ADGRB3: variants seen among roughly 807,000 people sequenced by gnomAD.
ADGRB3 encodes brain-specific angiogenesis inhibitor 3.
ADGRB3 carries 37 observed loss-of-function variants against 193.4 expected under a neutral mutation model. That is an observed-to-expected ratio of 0.19 (90% CI 0.15 to 0.25). The LOEUF is 0.25. Among genes scored for constraint, ADGRB3 ranks in the 10% least tolerant of loss-of-function variants. The pLI is 1.00. For missense variants in ADGRB3, 1,637 were observed against 1,852.9 expected, an observed-to-expected ratio of 0.88 and a Z score of 2.14; for synonymous variants, 690 against 644.2, an observed-to-expected ratio of 1.07 and a Z score of -1.08.
At chr6:69,289,894 G>A (rs1043110443) in intron 20 of ADGRB3, among the ~76,000 whole-genome samples, 9 of 151,908 alleles carry the variant, frequency 5.9e-5, no homozygotes, top group African/African-American at 2.2e-4. Flanking sequence ...TCAGTGTGTG[G>A]CACAGCCATT....
rs578038766 is a variant in ADGRB3, at chr6:68,899,834, AAAT to A, written c.758-30719_758-30717del. ...TTTTCTAAGGTTTAATGTGGTAAAA[AAAT>A]AATAAAAATTACTAAACAATGTGTT... On this transcript the variant is annotated intron_variant, in intron 3 of 31. Coordinates refer to ENST00000370598, the MANE Select transcript of ADGRB3 (RefSeq NM_001704.3). Among the ~76,000 whole-genome samples the A allele has an allele frequency of 2.2e-3, 337 of 152,172 alleles. 1 individual carries two copies. The highest frequency in any genetic ancestry group is 7.9e-3 in the African/African-American group (327 of 41,550).
intron 13 of ADGRB3, among the ~76,000 whole-genome samples, chr6:69,034,880 AGT>A (rs1770821792): frequency 6.6e-6 from 1 of 151,904 alleles, no homozygotes; most frequent in Non-Finnish European, 1.5e-5. Flanking sequence ...TTGATCATAG[AGT>A]GTGTGTTTGT....
At chr6:69,363,965 G>A (rs946595126) in intron 29 of ADGRB3, among the ~76,000 whole-genome samples, 2 of 151,950 alleles carry the variant, frequency 1.3e-5, no homozygotes, top group Admixed American at 6.6e-5. Context: ...GAGGTGTTTT[G>A]AGTCTTAGAA....
At chr6:69,227,814 C>T (rs1221393821) in intron 17 of ADGRB3, among the ~76,000 whole-genome samples, 1 of 152,118 alleles carries the variant, frequency 6.6e-6, no homozygotes, top group Non-Finnish European at 1.5e-5. Context: ...TGTTTGAAGA[C>T]TGTAGCAAGT....
intron 15 of ADGRB3, among the ~76,000 whole-genome samples, chr6:69,059,792 A>C (rs951901217): frequency 6.6e-6 from 1 of 152,122 alleles, no homozygotes; most frequent in Admixed American, 6.6e-5. Flanking sequence ...AAATTTGCTT[A>C]TTTATTTTCC....
intron 3 of ADGRB3, among the ~76,000 whole-genome samples, chr6:68,685,576 A>C (rs1461699351): frequency 6.6e-6 from 1 of 152,096 alleles, no homozygotes; most frequent in African/African-American, 2.4e-5. Flanking sequence ...TATGTAGCAG[A>C]TATGAAAGAA....
At chr6:69,167,483 G>A (rs1448661689) in intron 17 of ADGRB3, among the ~76,000 whole-genome samples, 1 of 152,110 alleles carries the variant, frequency 6.6e-6, no homozygotes, top group African/African-American at 2.4e-5. Context: ...AACTTATACA[G>A]TATGTGTAGT....
At chr6:68,696,016 T>G (rs2127305553) in intron 3 of ADGRB3, among the ~76,000 whole-genome samples, 1 of 152,160 alleles carries the variant, frequency 6.6e-6, no homozygotes, top group Non-Finnish European at 1.5e-5. Flanking sequence ...GGGGGTAGTC[T>G]CTTTTCAGGT....
At chr6:68,934,912 A>T (rs1021376883) in intron 4 of ADGRB3, among the ~76,000 whole-genome samples, 1 of 152,186 alleles carries the variant, frequency 6.6e-6, no homozygotes, top group African/African-American at 2.4e-5. Flanking sequence ...TTCTGAATTG[A>T]TGAAGGGTTA....
At position 68,932,320 on chromosome 6, in the gene ADGRB3, A is replaced by G. The variant is rs191844098; in HGVS notation, c.868+1651A>G. ...TTAGTTTATGTGTAAATATTATGCAATTTAGCCAAAAGTTTTTGTACAAGT... is the reference window on the plus strand; with the variant it reads ...TTAGTTTATGTGTAAATATTATGCAGTTTAGCCAAAAGTTTTTGTACAAGT... On this transcript the variant is annotated intron_variant, in intron 4 of 31. Coordinates refer to ENST00000370598, the MANE Select transcript of ADGRB3 (RefSeq NM_001704.3). Among the ~76,000 whole-genome samples the G allele has an allele frequency of 6.2e-3, 938 of 152,312 alleles. 10 individuals are homozygous for G. The highest frequency in any genetic ancestry group is 8.7e-3 in the Non-Finnish European group (593 of 68,028).
chr6:69,122,481 A>AGGGGGG (rs376504324), intron 17 of ADGRB3, among the ~76,000 whole-genome samples: 2 of 3,224 alleles, frequency 6.2e-4, no homozygotes, highest in African/African-American at 7.3e-4. Flanking sequence ...GGGGAGGGGG[A>AGGGGGG]GGGGGGAGGG....
intron 26 of ADGRB3, among the ~76,000 whole-genome samples, chr6:69,352,733 A>G (rs895927206): frequency 2.0e-5 from 3 of 152,224 alleles, no homozygotes; most frequent in African/African-American, 7.2e-5. Context: ...GAGTGAGAGG[A>G]CAAGGAGGAA....
At chr6:69,185,542 T>C (rs1291501418) in intron 17 of ADGRB3, among the ~76,000 whole-genome samples, 1 of 152,228 alleles carries the variant, frequency 6.6e-6, no homozygotes, top group Non-Finnish European at 1.5e-5. Context: ...TTTCATTTTA[T>C]CTACCACTAT....
At chr6:68,983,767 G>A (rs1472477785) in intron 10 of ADGRB3, among the ~76,000 whole-genome samples, 1 of 151,972 alleles carries the variant, frequency 6.6e-6, no homozygotes, top group Non-Finnish European at 1.5e-5. Flanking sequence ...ATTCTTATAT[G>A]TTAAAGGAAA....
intron 17 of ADGRB3, chr6:69,232,642 C>T: frequency 6.5e-7 from 1 of 1,533,076 alleles, no homozygotes; most frequent in Non-Finnish European, 8.7e-7. Context: ...CTGAAACCCA[C>T]CCCTCCCCTG....
intron 16 of ADGRB3, among the ~76,000 whole-genome samples, chr6:69,072,295 C>G (rs921140588): frequency 6.6e-6 from 1 of 152,006 alleles, no homozygotes; most frequent in Non-Finnish European, 1.5e-5. Flanking sequence ...TAATAATGCT[C>G]ACATGTATGG....
chr6:68,964,350 A>C (rs753397392), intron 8 of ADGRB3, among the ~76,000 whole-genome samples: 1 of 152,126 alleles, frequency 6.6e-6, no homozygotes, highest in Non-Finnish European at 1.5e-5. Context: ...GCTGTGCCCA[A>C]ATAGTGGTTC....
intron 20 of ADGRB3, among the ~76,000 whole-genome samples, chr6:69,269,284 GA>G (rs1767119122): frequency 6.6e-6 from 1 of 151,934 alleles, no homozygotes; most frequent in African/African-American, 2.4e-5. Context: ...AATGAAACCT[GA>G]ATAAAGACTT....
chr6:69,311,780 G>A (rs1447656708), intron 20 of ADGRB3, among the ~76,000 whole-genome samples: 2 of 151,468 alleles, frequency 1.3e-5, no homozygotes, highest in East Asian at 3.9e-4. Flanking sequence ...ATTTCCATAC[G>A]ACATCTCCAA....
Sources: gnomAD v4.1 joint callset for allele counts (sites outside exome capture counted in the v4.1 genomes callset) on GRCh38, gnomAD v4.1.1 for gene constraint, MANE v1.5 for transcripts, NCBI Gene and HGNC (gene_info 2026-07-23, HGNC 2026-07-21) for gene names.